The following TMCC1 variants were observed in gnomAD, a reference collection of about 807,000 sequenced individuals.
The protein encoded by TMCC1 is transmembrane and coiled-coil domains protein 1.
TMCC1 carries 15 observed loss-of-function variants against 52.4 expected under a neutral mutation model. The observed-to-expected ratio is 0.29, with a 90% confidence interval of 0.19 to 0.44. The LOEUF is 0.44. Among genes scored for constraint, TMCC1 ranks in the 20% least tolerant of loss-of-function variants. The pLI is 1.00. For missense variants in TMCC1, 503 were observed against 806.0 expected (o/e 0.62, Z 4.55); for synonymous variants, 279 against 301.9 (o/e 0.92, Z 0.79).
intron 2 of TMCC1, among the ~76,000 whole-genome samples, chr3:129,833,564 T>G (rs1383364100): frequency 3.3e-5 from 5 of 152,018 alleles, no homozygotes; most frequent in Admixed American, 1.3e-4. Context: ...AGCGAGACCC[T>G]GTCTCAATTT....
chr3:129,798,785 CT>C (rs2057010468), intron 4 of TMCC1, among the ~76,000 whole-genome samples: 1 of 152,188 alleles, frequency 6.6e-6, no homozygotes, highest in African/African-American at 2.4e-5. Flanking sequence ...GTAATAGTCT[CT>C]TTCAGAAATT....
At chr3:129,807,045 C>T (rs2057507648) in intron 4 of TMCC1, among the ~76,000 whole-genome samples, 1 of 152,052 alleles carries the variant, frequency 6.6e-6, no homozygotes, top group Non-Finnish European at 1.5e-5. Context: ...ATCTTAGAAA[C>T]CTATTTTTGC....
chr3:129,709,497 A>AAGAGAGAG (rs59129244), intron 4 of TMCC1, among the ~76,000 whole-genome samples: 50 of 64,066 alleles, frequency 7.8e-4, no homozygotes, highest in East Asian at 5.7e-3. Context: ...AAAAAAAAAA[A>AAGAGAGAG]AGAGAGAGAG....
Position 129,828,083 on chromosome 3 carries a change from G to C in TMCC1, c.296C>G (p.Pro99Arg). The change falls in exon 4 of 7, where the codon CCC (proline) becomes CGC (arginine). Residue 99 changes from proline to arginine, a missense_variant. Coordinates refer to ENST00000393238, the MANE Select transcript of TMCC1 (RefSeq NM_001017395.5). The surrounding 1 kb of genome is among the most constrained non-coding windows in gnomAD (Gnocchi z 4.1). The part of the protein sequence containing the change: ...CAEIDGVPTH[P>R]TALNRVLQQI... ...CTGCAGGACACGATTCAGAGCTGTGGGGTGGGTGGGGACACCATCAATCTC... is the reference window on the plus strand; with the variant it reads ...CTGCAGGACACGATTCAGAGCTGTGCGGTGGGTGGGGACACCATCAATCTC... 1 of 1,614,148 alleles carries C rather than the reference G, an allele frequency of 6.2e-7. No homozygotes were observed. The highest frequency in any genetic ancestry group is 8.5e-7 in the Non-Finnish European group (1 of 1,180,018).
chr3:129,726,443 T>C (rs1370963381), intron 4 of TMCC1, among the ~76,000 whole-genome samples: 1 of 152,184 alleles, frequency 6.6e-6, no homozygotes, highest in Non-Finnish European at 1.5e-5. Context: ...CGCTCTACAG[T>C]CTAGCTATGC....
intron 5 of TMCC1, among the ~76,000 whole-genome samples, chr3:129,658,760 C>T (rs1224870251): frequency 6.6e-6 from 1 of 152,190 alleles, no homozygotes; most frequent in Non-Finnish European, 1.5e-5. Flanking sequence ...GGAACTACTT[C>T]CTACTGCTGA....
rs141920292 is a variant in TMCC1, at chr3:129,668,416, T to C, written c.1511+1914A>G. 6.1e-4 allele frequency among the ~76,000 whole-genome samples: 93 copies of C among 152,258 alleles called. 2 individuals carry two copies. The East Asian group carries it at 0.016, about 26-fold the overall frequency. On this transcript the variant is annotated intron_variant, in intron 5 of 6. Transcript: ENST00000393238. ...TCTTATAAAGAACTATTACTATTTC[T>C]ATGTTAGGGATGTGGAAACCAAGAC...
At chr3:129,860,238 T>C (rs9834828) in intron 2 of TMCC1, among the ~76,000 whole-genome samples, 1 of 151,292 alleles carries the variant, frequency 6.6e-6, no homozygotes, top group Admixed American at 6.6e-5. Context: ...ATTAAGTGAG[T>C]GGAATTTTTT....
intron 4 of TMCC1, among the ~76,000 whole-genome samples, chr3:129,735,987 C>A (rs1428900909): frequency 2.0e-5 from 3 of 152,194 alleles, no homozygotes. Flanking sequence ...AGCCGAAAGA[C>A]CTGCTCTTAT....
chr3:129,810,810 T>C (rs1362125658), intron 4 of TMCC1, among the ~76,000 whole-genome samples: 5 of 152,220 alleles, frequency 3.3e-5, no homozygotes, highest in Non-Finnish European at 5.9e-5. Flanking sequence ...TGCATTTTTA[T>C]AGAAAATAAC....
intron 1 of TMCC1, among the ~76,000 whole-genome samples, chr3:129,889,580 A>T (rs1209353923): frequency 6.6e-6 from 1 of 152,228 alleles, no homozygotes; most frequent in African/African-American, 2.4e-5. Flanking sequence ...GGAACTCTGC[A>T]GTATCTTTGC....
At chr3:129,803,155 AAC>A (rs1418249585) in intron 4 of TMCC1, among the ~76,000 whole-genome samples, 1 of 152,262 alleles carries the variant, frequency 6.6e-6, no homozygotes, top group Non-Finnish European at 1.5e-5. Context: ...CCTACCTCTC[AAC>A]ACACAAAATG....
At chr3:129,871,358 G>A (rs140973597) in intron 2 of TMCC1, among the ~76,000 whole-genome samples, 33 of 128,544 alleles carry the variant, frequency 2.6e-4, no homozygotes, top group African/African-American at 9.7e-4. Flanking sequence ...AGAGTGAGAC[G>A]CTGTCTCAAA....
chr3:129,784,628 T>C lies in TMCC1; in HGVS notation c.576+43175A>G, dbSNP rs1576831985. On this transcript the variant is annotated intron_variant, in intron 4 of 6. Transcript: ENST00000393238. ...ATAATGATAAATACATGGTGGGGGG[T>C]GGGGAGAAGAGTGTGTGGAGGGAGT... Among the ~76,000 whole-genome samples, 3 of 143,600 alleles carry C rather than the reference T, an allele frequency of 2.1e-5. No individual in the cohort carries two copies. The South Asian group carries it at 6.7e-4, about 32-fold the overall frequency. The allele number at this position is 143,600 out of a possible 152,430, so 94.2% of individuals were successfully genotyped here. A position where few individuals can be genotyped will look rare whatever the true frequency, so the allele number is the denominator to read the frequency against.
chr3:129,823,100 T>C (rs1025872680), intron 4 of TMCC1, among the ~76,000 whole-genome samples: 3 of 152,112 alleles, frequency 2.0e-5, no homozygotes, highest in Non-Finnish European at 4.4e-5. Flanking sequence ...CTGAGGCAGG[T>C]GGATCATTTG....
intron 2 of TMCC1, among the ~76,000 whole-genome samples, chr3:129,855,577 G>A (rs1378917314): frequency 6.6e-6 from 1 of 152,044 alleles, no homozygotes; most frequent in East Asian, 1.9e-4. Flanking sequence ...CACAAAACAA[G>A]AAACACATCT....
chr3:129,878,228 C>A (rs1202562403), intron 2 of TMCC1, among the ~76,000 whole-genome samples: 1 of 150,718 alleles, frequency 6.6e-6, no homozygotes, highest in African/African-American at 2.4e-5. Context: ...CCTCCCAAAG[C>A]ACTGGGATTA....
chr3:129,840,037 G>C (rs1440633804), intron 2 of TMCC1, among the ~76,000 whole-genome samples: 2 of 118,902 alleles, frequency 1.7e-5, no homozygotes, highest in Non-Finnish European at 3.6e-5. Context: ...AAAAAAAAAA[G>C]CAAGACCAGG....
intron 4 of TMCC1, among the ~76,000 whole-genome samples, chr3:129,822,765 G>C (rs574143618): frequency 2.3e-4 from 35 of 152,088 alleles, no homozygotes; most frequent in Non-Finnish European, 4.4e-4. Flanking sequence ...AACATCTCTG[G>C]ACCTGTAAAA....
Sources: allele counts gnomAD v4.1 joint callset (sites outside exome capture counted in the v4.1 genomes callset), GRCh38; gene constraint gnomAD v4.1.1; non-coding constraint Gnocchi (gnomAD v3.1); transcripts MANE v1.5; gene names NCBI Gene and HGNC (gene_info 2026-07-23, HGNC 2026-07-21).